ADGRV1: variants seen among roughly 807,000 people sequenced by gnomAD.
ADGRV1 encodes G-protein coupled receptor 98.
Under a neutral mutation model 596.2 loss-of-function variants are expected in ADGRV1, and 359 were observed. That is an observed-to-expected ratio of 0.60 (90% confidence interval 0.55 to 0.66). ADGRV1 has a LOEUF of 0.66. Among genes scored for constraint, ADGRV1 ranks in the 30% least tolerant of loss-of-function variants. The pLI is 0.00. For synonymous variants in ADGRV1, 2,681 were observed against 2,679.2 expected, an observed-to-expected ratio of 1.00 and a Z score of -0.02; for missense variants, 7,274 against 7,575.6, an observed-to-expected ratio of 0.96 and a Z score of 1.48.
At chr5:91,080,949 C>A (rs1789306135) in intron 86 of ADGRV1, among the ~76,000 whole-genome samples, 1 of 152,150 alleles carries the variant, frequency 6.6e-6, no homozygotes, top group Non-Finnish European at 1.5e-5. Context: ...CAATATCTCT[C>A]AAATGTTCCC....
At chr5:90,794,994 G>A (rs573205684) in intron 70 of ADGRV1, among the ~76,000 whole-genome samples, 1 of 152,016 alleles carries the variant, frequency 6.6e-6, no homozygotes, top group African/African-American at 2.4e-5. Context: ...ACACAGACAG[G>A]AGACTCCCTC....
At chr5:90,594,300 A>C (rs1484883428) in intron 1 of ADGRV1, among the ~76,000 whole-genome samples, 1 of 151,634 alleles carries the variant, frequency 6.6e-6, no homozygotes, top group Non-Finnish European at 1.5e-5. Flanking sequence ...ATAGTGAGTG[A>C]GTTCTTGTGA....
intron 73 of ADGRV1, among the ~76,000 whole-genome samples, chr5:90,808,481 T>C (rs1375989617): frequency 1.3e-5 from 2 of 152,342 alleles, no homozygotes; most frequent in South Asian, 2.1e-4. Context: ...GGGATCTCCA[T>C]TGGGGAAATA....
intron 86 of ADGRV1, among the ~76,000 whole-genome samples, chr5:91,093,913 G>A (rs1790608127): frequency 6.7e-6 from 1 of 148,994 alleles, no homozygotes; most frequent in Admixed American, 6.7e-5. Context: ...GTGCAGTGGT[G>A]CGATCTCTGC....
At chr5:90,750,169 C>T (rs1755082574) in intron 52 of ADGRV1, among the ~76,000 whole-genome samples, 1 of 152,170 alleles carries the variant, frequency 6.6e-6, no homozygotes, top group South Asian at 2.1e-4. Flanking sequence ...AAAGGCTTCC[C>T]TACTCTCCTG....
intron 53 of ADGRV1, among the ~76,000 whole-genome samples, chr5:90,751,977 AC>A (rs1364802576): frequency 6.6e-6 from 1 of 152,168 alleles, no homozygotes; most frequent in Non-Finnish European, 1.5e-5. Context: ...ATATAATGGT[AC>A]CTTAAACATA....
chr5:90,851,396 T>C (rs1766513783), intron 79 of ADGRV1, among the ~76,000 whole-genome samples: 1 of 151,854 alleles, frequency 6.6e-6, no homozygotes, highest in African/African-American at 2.4e-5. Context: ...AAGAGAGAGA[T>C]CAAGACTAGT....
intron 20 of ADGRV1, among the ~76,000 whole-genome samples, chr5:90,656,112 T>C (rs923557025): frequency 5.3e-5 from 8 of 152,210 alleles, no homozygotes; most frequent in Non-Finnish European, 8.8e-5. Flanking sequence ...TGATTTAGCA[T>C]TGTAACTTAA....
At position 90,829,198 on chromosome 5, in the gene ADGRV1, A is replaced by G. The variant is rs893475207; in HGVS notation, c.16611+12A>G. The G allele has an allele frequency of 8.7e-6, 13 of 1,485,770 alleles. No homozygotes were observed. The highest frequency in any genetic ancestry group is 1.2e-5 in the Non-Finnish European group (13 of 1,107,092). 92.0% of individuals were successfully genotyped at this position (1,485,770 alleles called of 1,614,324 possible). Reference sequence around the variant, plus strand: ...ACTTTAGTACCCAGGTAAGCATGGAATATATATATTCATACACGTTATGGT... The same window carrying G: ...ACTTTAGTACCCAGGTAAGCATGGAGTATATATATTCATACACGTTATGGT... On this transcript the variant is annotated intron_variant, in intron 77 of 89. Coordinates refer to ENST00000405460, the MANE Select transcript of ADGRV1 (RefSeq NM_032119.4).
intron 34 of ADGRV1, among the ~76,000 whole-genome samples, chr5:90,700,428 T>G (rs1270820639): frequency 6.6e-6 from 1 of 152,210 alleles, no homozygotes; most frequent in African/African-American, 2.4e-5. Flanking sequence ...CTACATTTTG[T>G]CCTAATGCAG....
chr5:90,666,950 C>T (rs1385432737), intron 21 of ADGRV1, among the ~76,000 whole-genome samples: 3 of 152,040 alleles, frequency 2.0e-5, no homozygotes, highest in Non-Finnish European at 2.9e-5. Context: ...CCACTCTCTT[C>T]TGGCTTGTAG....
intron 85 of ADGRV1, among the ~76,000 whole-genome samples, chr5:91,030,142 CTT>C (rs1261793510): frequency 6.6e-6 from 1 of 152,080 alleles, no homozygotes; most frequent in Non-Finnish European, 1.5e-5. Context: ...ACACCATACT[CTT>C]TTAATTGTTG....
chr5:90,822,142 G>A (rs961390341), intron 75 of ADGRV1: 7 of 155,750 alleles, frequency 4.5e-5, no homozygotes, highest in African/African-American at 7.2e-5. Context: ...AAGCCGGTCC[G>A]AAAAGCGCAA....
chr5:90,656,103 G>T (rs1769372110), intron 20 of ADGRV1, among the ~76,000 whole-genome samples: 1 of 152,152 alleles, frequency 6.6e-6, no homozygotes, highest in Admixed American at 6.6e-5. Context: ...TATTTTGAAT[G>T]ATTTAGCATT....
At chr5:90,594,207 C>T (rs1759918042) in intron 1 of ADGRV1, among the ~76,000 whole-genome samples, 1 of 152,106 alleles carries the variant, frequency 6.6e-6, no homozygotes, top group South Asian at 2.1e-4. Context: ...ACCTGTAGAT[C>T]TCGTAATCCC....
chr5:90,776,656 C>G (rs1396861665), intron 61 of ADGRV1, 80 bp downstream of exon 61: 8 of 1,402,156 alleles, frequency 5.7e-6, no homozygotes, highest in Non-Finnish European at 8.1e-6. Flanking sequence ...GTTTATCATT[C>G]TCAATACATA....
intron 65 of ADGRV1, among the ~76,000 whole-genome samples, 168 bp downstream of exon 65, chr5:90,781,746 T>C (rs2150096611): frequency 6.6e-6 from 1 of 152,292 alleles, no homozygotes; most frequent in South Asian, 2.1e-4. Context: ...TTTTCAGTTA[T>C]CTTTGGGTAG....
At chr5:90,853,562 G>T (rs201078778) in intron 80 of ADGRV1, 29 bp downstream of exon 80, 14 of 1,587,316 alleles carry the variant, frequency 8.8e-6, no homozygotes, top group African/African-American at 1.3e-5. Context: ...CACTTATGTG[G>T]TTGGAATCTG....
intron 76 of ADGRV1, 101 bp from the exon 77 acceptor site, chr5:90,828,840 CTCT>C: frequency 4.8e-6 from 3 of 618,592 alleles, no homozygotes; most frequent in Non-Finnish European, 4.8e-6. Context: ...ATATTTATTT[CTCT>C]AAAAATGTAT....
Sources: allele counts gnomAD v4.1 joint callset (sites outside exome capture counted in the v4.1 genomes callset), GRCh38; gene constraint gnomAD v4.1.1; transcripts MANE v1.5; gene names NCBI Gene and HGNC (gene_info 2026-07-23, HGNC 2026-07-21).